The following IL18BP variants were observed in gnomAD, a reference collection of about 807,000 sequenced individuals.
IL18BP encodes the protein interleukin 18 binding protein.
IL18BP carries 23 observed loss-of-function variants against 19.9 expected under a neutral mutation model. The ratio of observed to expected loss-of-function variants is 1.15; its 90% CI spans 0.83 to 1.64. The LOEUF (loss-of-function observed/expected upper bound fraction) is 1.64, where lower values mean the gene tolerates loss of function less well. Ranked by LOEUF, IL18BP falls within the 40% of genes most tolerant of loss-of-function variation. The pLI is 0.00. For synonymous variants in IL18BP, 107 were observed against 101.0 expected (o/e 1.06, Z -0.35); for missense variants, 239 against 240.7 (o/e 0.99, Z 0.05).
chr11:72,003,383 G>C (rs978536746), downstream of IL18BP: 2 of 801,548 alleles, frequency 2.5e-6, no homozygotes, highest in Non-Finnish European at 4.3e-6. Flanking sequence ...CCAGGCCAGG[G>C]TGCGGGCAGG....
At position 72,001,857 on chromosome 11, in the gene IL18BP, G is replaced by A. The variant is rs962047615; in HGVS notation, c.581G>A (p.Gly194Asp). 2 of 1,614,090 alleles carry A rather than the reference G, an allele frequency of 1.2e-6. No homozygotes were observed. Among genetic ancestry groups the A allele is most frequent in the Admixed American group, 1.7e-5 (1 of 60,018 alleles). The change falls in exon 6 of 6, where the codon GGT becomes GAT. Residue 194 changes from glycine (G) to aspartate (D), a missense_variant. Transcript: ENST00000393703. ...PSSHSSPQQQ[G>D] ...AGCCACAGCAGTCCACAGCAGCAGG[G>A]TTAAGACTCAGCACAGGGCCAGCAG...
downstream of IL18BP, chr11:72,007,577 C>A: frequency 1.9e-6 from 2 of 1,062,164 alleles, no homozygotes; most frequent in South Asian, 1.4e-5. Flanking sequence ...TCAGAGGTAC[C>A]AAGGAAAGCA....
chr11:72,005,122 C>T (rs1955599304), downstream of IL18BP: 4 of 1,257,026 alleles, frequency 3.2e-6, no homozygotes, highest in African/African-American at 4.6e-5. Context: ...TCACCCTCCC[C>T]CTCCTCGGCC....
At chr11:72,001,155 G>A in intron 3 of IL18BP, 46 bp from the exon 4 acceptor site, 2 of 1,611,258 alleles carry the variant, frequency 1.2e-6, no homozygotes, top group Non-Finnish European at 1.7e-6. Context: ...CAGGGTAGGG[G>A]AAGGGCCTGC....
At chr11:72,003,142 C>T (rs1955374849), downstream of IL18BP, 2 of 287,948 alleles carry the variant, frequency 6.9e-6, no homozygotes, top group South Asian at 7.6e-5. Flanking sequence ...GCCACCAGGA[C>T]AGCAGGAACC....
downstream of IL18BP, among the ~76,000 whole-genome samples, chr11:72,006,902 G>T (rs973669900): frequency 2.6e-5 from 4 of 152,240 alleles, no homozygotes; most frequent in East Asian, 1.9e-4. Context: ...CACAGGATGG[G>T]CTGCAGCTTC....
At chr11:72,007,699 T>TCA, downstream of IL18BP, 1 of 522,740 alleles carries the variant, frequency 1.9e-6, no homozygotes, top group Admixed American at 3.5e-5. Flanking sequence ...CATGGCTGCT[T>TCA]CACAGCAAAC....
At chr11:72,003,447 A>C, downstream of IL18BP, 2 of 1,387,036 alleles carry the variant, frequency 1.4e-6, 1 homozygote, top group South Asian at 2.3e-5. Flanking sequence ...GAGAGAAGGC[A>C]CTGAGAGGGA....
At chr11:72,004,901 G>A (rs924845184), downstream of IL18BP, 29 of 1,311,692 alleles carry the variant, frequency 2.2e-5, no homozygotes, top group East Asian at 7.4e-5. Flanking sequence ...CTCTACACTC[G>A]CCCGACACTT....
rs746988216 is a variant in IL18BP, at chr11:72,000,491, G to A, written c.169G>A (p.Val57Met). 1.2e-6 allele frequency: 2 copies of A among 1,613,942 alleles called. No individual in the cohort carries two copies. The highest frequency in any genetic ancestry group is 4.5e-5 in the East Asian group (2 of 44,872). ...TKDPCPSQPP[V>M]FPAAKQCPAL... Reference sequence around the variant, plus strand: ...GGACCCCTGCCCCTCCCAGCCCCCAGTGTTCCCAGCAGCTAAGCAGTGTCC... The same window carrying A: ...GGACCCCTGCCCCTCCCAGCCCCCAATGTTCCCAGCAGCTAAGCAGTGTCC... The change falls in exon 3 of 6, where the codon GTG (valine) becomes ATG (methionine). Residue 57 changes from valine (V) to methionine (M), a missense_variant. Physicochemically the swap from Val to Met is conservative, Grantham distance 21. Transcript: ENST00000393703.
chr11:72,000,666 C>A, intron 3 of IL18BP, 109 bp downstream of exon 3: 1 of 887,016 alleles, frequency 1.1e-6, no homozygotes, highest in Non-Finnish European at 1.8e-6. Flanking sequence ...GCTGAGCCAG[C>A]TGGGCTGAGC....
At chr11:72,005,123 C>T (rs779993737), downstream of IL18BP, 19 of 1,276,090 alleles carry the variant, frequency 1.5e-5, no homozygotes, top group Non-Finnish European at 2.0e-5. Context: ...CACCCTCCCC[C>T]TCCTCGGCCA....
chr11:72,000,351 A>T lies in IL18BP; in HGVS notation c.29A>T (p.Asp10Val). 1.9e-6 allele frequency: 3 copies of T among 1,613,296 alleles called. No homozygotes were observed. Among genetic ancestry groups the T allele is most frequent in the Non-Finnish European group, 2.5e-6 (3 of 1,179,834 alleles). MTMRHNWTP[D>V]LSPLWVLLLC... ...TGACCTGTAACTGTCCTTTCCTCAG[A>T]CCTCAGCCCTTTGTGGGTCCTGCTC... Residue 10 changes from aspartate (D) to valine (V), a missense_variant and splice_region_variant, in exon 3 of 6, where the codon GAC (aspartate) becomes GTC (valine). By Grantham distance (152) the Asp-to-Val change is radical. Transcript: ENST00000393703.
downstream of IL18BP, chr11:72,008,104 T>C: frequency 2.1e-6 from 1 of 479,062 alleles, no homozygotes; most frequent in Non-Finnish European, 4.2e-6. Context: ...CAGAGGGTTG[T>C]TGGGGGACAA....
At chr11:72,003,651 T>C (rs949497159), downstream of IL18BP, 3 of 1,403,220 alleles carry the variant, frequency 2.1e-6, no homozygotes, top group Admixed American at 5.2e-5. Context: ...CCCTCCCTTG[T>C]GAGCCCCAGG....
chr11:72,004,547 G>A (rs535868682), downstream of IL18BP: 236 of 1,359,436 alleles, frequency 1.7e-4, 2 homozygotes, highest in South Asian at 2.9e-3. Flanking sequence ...GGGGAAGTGA[G>A]GGAAGGAGAG....
At chr11:72,005,146 G>T, downstream of IL18BP, 1 of 1,393,796 alleles carries the variant, frequency 7.2e-7, no homozygotes, top group Non-Finnish European at 9.7e-7. Context: ...CAGTGATCCA[G>T]GGCCCTAGTG....
chr11:72,000,412 C>T lies in IL18BP; in HGVS notation c.90C>T (p.Ala30=). 1 of 1,614,148 alleles carries T rather than the reference C, an allele frequency of 6.2e-7. No homozygotes were observed. The highest frequency in any genetic ancestry group is 8.5e-7 in the Non-Finnish European group (1 of 1,180,034). The part of the protein sequence containing the change: ...CAHVVTLLVR[A]TPVSQTTTAA... The stretch of plus-strand genomic sequence containing the variant: ...ACGTCGTCACTCTCCTGGTCAGAGC[C>T]ACACCTGTCTCGCAGACCACCACAG... Residue 30 remains alanine (A), a synonymous_variant, in exon 3 of 6, where the codon GCC becomes GCT. Transcript: ENST00000393703.
downstream of IL18BP, chr11:72,005,092 C>T: frequency 9.7e-7 from 1 of 1,026,468 alleles, no homozygotes; most frequent in African/African-American, 1.6e-5. Context: ...CTGTCTGTTC[C>T]ACCTGGAAAC....
Sources: gnomAD v4.1 joint callset for allele counts (sites outside exome capture counted in the v4.1 genomes callset) on GRCh38, gnomAD v4.1.1 for gene constraint, MANE v1.5 for transcripts, NCBI Gene and HGNC (gene_info 2026-07-23, HGNC 2026-07-21) for gene names.